ZFHX3: variants seen among roughly 807,000 people sequenced by gnomAD.
The protein encoded by ZFHX3 is zinc finger homeobox 3.
A neutral mutation model predicts 279.1 loss-of-function variants in ZFHX3; 42 were observed. The ratio of observed to expected loss-of-function variants is 0.15; its 90% confidence interval spans 0.12 to 0.19. The LOEUF is 0.19. ZFHX3 is among the 10% of genes least tolerant of loss of function. The pLI is 1.00. For synonymous variants in ZFHX3, 2,293 were observed against 1,957.8 expected (o/e 1.17, Z -4.52); for missense variants, 4,981 against 4,754.0 (o/e 1.05, Z -1.40).
At chr16:73,583,305 C>A (rs1427909168) in intron 2 of ZFHX3, among the ~76,000 whole-genome samples, 1 of 152,014 alleles carries the variant, frequency 6.6e-6, no homozygotes, top group Non-Finnish European at 1.5e-5. Context: ...TTAAAATCCA[C>A]AACTAATCTT....
chr16:73,749,070 G>A lies in ZFHX3; in HGVS notation c.-1607-68830C>T, dbSNP rs536273776. 1.2e-4 allele frequency among the ~76,000 whole-genome samples: 19 copies of A among 152,106 alleles called. No homozygotes were observed. The South Asian group carries it at 2.7e-3, about 22-fold the overall frequency. On this transcript the variant is annotated intron_variant, in intron 1 of 17. Coordinates refer to the ZFHX3 transcript ENST00000641206. Reference sequence around the variant, plus strand: ...CCCAAAGTGCTTGGATTACAGGTGTGAGCCACCATGCCCGGCCCCAAACTC... The same window carrying A: ...CCCAAAGTGCTTGGATTACAGGTGTAAGCCACCATGCCCGGCCCCAAACTC...
At chr16:73,020,830 C>T (rs1169686174) in intron 1 of ZFHX3, among the ~76,000 whole-genome samples, 1 of 152,182 alleles carries the variant, frequency 6.6e-6, no homozygotes, top group Non-Finnish European at 1.5e-5. Context: ...CGTTATGCAG[C>T]AGGATGTCTT....
chr16:72,792,906 T>G (rs970043838), intron 9 of ZFHX3, among the ~76,000 whole-genome samples: 1 of 152,228 alleles, frequency 6.6e-6, no homozygotes, highest in African/African-American at 2.4e-5. Context: ...ACAACAAATA[T>G]CTAGACAGGA....
intron 5 of ZFHX3, among the ~76,000 whole-genome samples, chr16:73,248,731 T>G (rs926270897): frequency 6.6e-6 from 1 of 152,070 alleles, no homozygotes; most frequent in Non-Finnish European, 1.5e-5. Context: ...GTGCTGAGTA[T>G]GCACTAGAAT....
intron 2 of ZFHX3, among the ~76,000 whole-genome samples, chr16:73,656,197 G>C (rs1011109259): frequency 3.3e-5 from 5 of 152,182 alleles, no homozygotes; most frequent in South Asian, 2.1e-4. Context: ...TGCGATAGCA[G>C]AACTGAGTAC....
intron 1 of ZFHX3, among the ~76,000 whole-genome samples, chr16:73,038,445 C>T (rs1439861300): frequency 6.6e-6 from 1 of 152,212 alleles, no homozygotes; most frequent in African/African-American, 2.4e-5. Flanking sequence ...GACCTGACGT[C>T]ATGGCTGCAA....
At chr16:73,087,885 T>A (rs1040624706) in intron 8 of ZFHX3, among the ~76,000 whole-genome samples, 1 of 151,702 alleles carries the variant, frequency 6.6e-6, no homozygotes, top group Admixed American at 6.6e-5. Context: ...TGGAGTGCAG[T>A]GATATGGTCT....
At chr16:72,980,061 G>A (rs1420219442) in intron 1 of ZFHX3, among the ~76,000 whole-genome samples, 2 of 152,206 alleles carry the variant, frequency 1.3e-5, no homozygotes, top group Non-Finnish European at 2.9e-5. Flanking sequence ...ATAATGAGAA[G>A]GCTTGAGTGT....
Position 73,849,181 on chromosome 16 carries a change from C to T in ZFHX3, c.-1608+42470G>A, listed in dbSNP as rs12598690. 2.6e-4 allele frequency among the ~76,000 whole-genome samples: 40 copies of T among 152,338 alleles called. No homozygotes were observed. The East Asian group carries it at 7.5e-3, about 29-fold the overall frequency. The stretch of plus-strand genomic sequence containing the variant: ...TATAAACATGGTCAAAGGTTACAGT[C>T]GCTCCTTAGGCGGGCCCCATGGTGT... On this transcript the variant is annotated intron_variant, in intron 1 of 17. Transcript: ENST00000641206.
chr16:72,993,108 C>G (rs763077410), intron 1 of ZFHX3, among the ~76,000 whole-genome samples: 20 of 152,200 alleles, frequency 1.3e-4, no homozygotes, highest in Non-Finnish European at 2.4e-4. Flanking sequence ...TGCACCCCAG[C>G]CTGGGTGACA....
chr16:73,169,447 T>A (rs1015358584), intron 5 of ZFHX3, among the ~76,000 whole-genome samples: 2 of 152,124 alleles, frequency 1.3e-5, no homozygotes, highest in African/African-American at 4.8e-5. Context: ...CTGGGCAGTA[T>A]CTGGGCAACA....
chr16:73,400,000 C>G (rs1015344451), intron 3 of ZFHX3: 6 of 150,506 alleles, frequency 4.0e-5, no homozygotes, highest in African/African-American at 7.4e-5. Flanking sequence ...CGCATATGTA[C>G]AAAACCCACG....
chr16:73,865,012 C>T (rs1961975688), intron 1 of ZFHX3, among the ~76,000 whole-genome samples: 1 of 152,202 alleles, frequency 6.6e-6, no homozygotes, highest in Admixed American at 6.5e-5. Flanking sequence ...TTCTTCTCTA[C>T]TGCTGTTGGA....
At chr16:73,834,761 C>T (rs2142361973) in intron 1 of ZFHX3, among the ~76,000 whole-genome samples, 1 of 152,316 alleles carries the variant, frequency 6.6e-6, no homozygotes, top group Non-Finnish European at 1.5e-5. Flanking sequence ...CATGGTGGCG[C>T]ATGCCTGTAG....
rs886832768 is a variant in ZFHX3 at position 73,787,835 on chromosome 16, G to GTGTT, written c.-1608+103815_-1608+103816insAACA. Among the ~76,000 whole-genome samples, 4 of 148,162 alleles carry GTGTT rather than the reference G, an allele frequency of 2.7e-5. No homozygotes were observed. The East Asian group carries it at 5.9e-4, about 22-fold the overall frequency. ...TTAAAGTGTGTGTGTGTGTGTGTGTGTGTGTGTGTGTGTGTGTGAAAGAGA... is the reference window on the plus strand; with the variant it reads ...TTAAAGTGTGTGTGTGTGTGTGTGTGTGTTTGTGTGTGTGTGTGTGTGAAAGAGA... On this transcript the variant is annotated intron_variant, in intron 1 of 17. Coordinates refer to the ZFHX3 transcript ENST00000641206.
chr16:72,927,544 G>A (rs1269328907), intron 3 of ZFHX3, among the ~76,000 whole-genome samples: 1 of 152,182 alleles, frequency 6.6e-6, no homozygotes, highest in Non-Finnish European at 1.5e-5. Context: ...TTCAGCCACC[G>A]ATGCCCTCAA....
In ZFHX3 at chr16:72,957,841, T is replaced by C; in HGVS notation, c.2305A>G (p.Thr769Ala). The part of the protein sequence containing the change: ...NGGGEQVFSH[T>A]AGAAAAAVAA... ...ACCGCCGCCGCCGCCGCCCCGGCAG[T>C]GTGGCTGAAGACCTGCTCCCCCCCT... Residue 769 changes from threonine to alanine, a missense_variant, in exon 2 of 10, where the codon ACT (threonine) becomes GCT (alanine). Thr to Ala is a moderately conservative substitution (Grantham distance 58). Around this residue, in one of 7 missense-constraint regions of ZFHX3, gnomAD observed 1,751 missense variants for 1,770.0 expected, o/e 0.99. Coordinates refer to ENST00000268489, the MANE Select transcript of ZFHX3 (RefSeq NM_006885.4). 2 of 1,613,036 alleles carry C rather than the reference T, an allele frequency of 1.2e-6. No homozygotes were observed. The highest frequency in any genetic ancestry group is 1.7e-6 in the Non-Finnish European group (2 of 1,179,518).
chr16:73,164,833 G>T (rs1216563487), intron 5 of ZFHX3, among the ~76,000 whole-genome samples: 1 of 152,082 alleles, frequency 6.6e-6, no homozygotes, highest in Non-Finnish European at 1.5e-5. Flanking sequence ...ATGACTTCAA[G>T]AAGTAGGTAC....
intron 2 of ZFHX3, among the ~76,000 whole-genome samples, chr16:73,601,469 CAA>C (rs67967322): frequency 1.4e-3 from 182 of 131,668 alleles, no homozygotes; most frequent in Middle Eastern, 3.9e-3. Context: ...GACTCCATCT[CAA>C]AAAAAAAAAA....
Sources: allele counts gnomAD v4.1 joint callset (sites outside exome capture counted in the v4.1 genomes callset), GRCh38; gene constraint gnomAD v4.1.1; regional missense constraint gnomAD v4.1.1; transcripts MANE v1.5; gene names NCBI Gene and HGNC (gene_info 2026-07-23, HGNC 2026-07-21).